CSMD1: variants seen among roughly 807,000 people sequenced by gnomAD.
CSMD1 encodes the protein CUB and sushi domain-containing protein 1.
A neutral mutation model predicts 417.5 loss-of-function variants in CSMD1; 213 were observed. The observed-to-expected ratio is 0.51, with a 90% CI of 0.46 to 0.57. CSMD1 has a LOEUF of 0.57. Ranked by LOEUF, CSMD1 falls within the 20% of genes least tolerant of loss-of-function variation. The probability of loss-of-function intolerance (pLI) is 0.00; values close to 1 mark genes in which losing one functional copy is unlikely to be tolerated. For missense variants in CSMD1, 6,923 were observed against 4,529.7 expected (o/e 1.53, Z -15.17); for synonymous variants, 2,862 against 1,736.8 (o/e 1.65, Z -16.11).
intron 4 of CSMD1, among the ~76,000 whole-genome samples, chr8:4,014,034 T>C (rs567180819): frequency 2.0e-4 from 30 of 152,238 alleles, no homozygotes; most frequent in African/African-American, 7.0e-4. Context: ...TACGGAGAAA[T>C]ATTGATGTGT....
chr8:4,672,199 A>G (rs1805373875), intron 1 of CSMD1, among the ~76,000 whole-genome samples: 1 of 152,254 alleles, frequency 6.6e-6, no homozygotes. Flanking sequence ...CCTCAGGAAG[A>G]GAGGACAATG....
At chr8:3,382,683 T>C (rs1810713823) in intron 18 of CSMD1, among the ~76,000 whole-genome samples, 1 of 150,408 alleles carries the variant, frequency 6.6e-6, no homozygotes, top group South Asian at 2.1e-4. Flanking sequence ...GCTCATTTTC[T>C]CATAGATCTG....
intron 22 of CSMD1, among the ~76,000 whole-genome samples, chr8:3,347,594 T>C (rs1043018229): frequency 1.3e-5 from 2 of 152,236 alleles, no homozygotes; most frequent in Non-Finnish European, 2.9e-5. Flanking sequence ...ATCCTGCAAC[T>C]TTTAATAATT....
chr8:3,477,957 G>A (rs181891700), intron 11 of CSMD1, among the ~76,000 whole-genome samples: 52 of 152,288 alleles, frequency 3.4e-4, no homozygotes, highest in African/African-American at 1.2e-3. Context: ...TAAGTCAAGG[G>A]AGTGCTTTCA....
intron 2 of CSMD1, among the ~76,000 whole-genome samples, chr8:4,443,695 C>G (rs143781174): frequency 5.9e-4 from 90 of 152,254 alleles, no homozygotes; most frequent in African/African-American, 2.0e-3. Flanking sequence ...CTGCAATTCC[C>G]AACAAAATTC....
chr8:4,235,950 C>T (rs1225293118), intron 3 of CSMD1, among the ~76,000 whole-genome samples: 1 of 151,410 alleles, frequency 6.6e-6, no homozygotes, highest in East Asian at 1.9e-4. Flanking sequence ...GTGAAATTAA[C>T]CTAGTTGCCA....
rs556702312 is a variant in CSMD1, at chr8:4,237,583, G to A, written c.415+182370C>T. ...GGAGTCTTGCTCTGTCAACCAAGCT[G>A]GAGCACAATAGTGTCATCACAACTT... On this transcript the variant is annotated intron_variant, in intron 3 of 69. Coordinates refer to ENST00000635120, the MANE Select transcript of CSMD1 (RefSeq NM_033225.6). Among the ~76,000 whole-genome samples, 29 of 151,354 alleles carry A rather than the reference G, an allele frequency of 1.9e-4. No homozygotes were observed. The South Asian group carries it at 2.1e-3, about 11-fold the overall frequency.
chr8:3,407,495 T>C (rs1031398534), intron 14 of CSMD1, among the ~76,000 whole-genome samples: 1 of 150,182 alleles, frequency 6.7e-6, no homozygotes, highest in Non-Finnish European at 1.5e-5. Context: ...ATGGATGAAA[T>C]GATGGATGGA....
rs984860813 is a variant in CSMD1 at position 4,253,226 on chromosome 8, T to C, written c.415+166727A>G. On this transcript the variant is annotated intron_variant, in intron 3 of 69. Transcript: ENST00000635120. ...CCGCCCCATTCCTAGTTATCATTCA[T>C]GGCCCAGATAAAATGACATCTCCAA... 2.6e-5 allele frequency among the ~76,000 whole-genome samples: 4 copies of C among 152,210 alleles called. No individual in the cohort carries two copies. The East Asian group carries it at 7.7e-4, about 29-fold the overall frequency.
At chr8:3,819,125 T>C (rs1208139862) in intron 5 of CSMD1, among the ~76,000 whole-genome samples, 1 of 152,078 alleles carries the variant, frequency 6.6e-6, no homozygotes, top group African/African-American at 2.4e-5. Context: ...GGGGGAAAGA[T>C]TTGCTGGTCT....
intron 1 of CSMD1, among the ~76,000 whole-genome samples, chr8:4,742,188 G>A (rs1284309481): frequency 3.3e-5 from 5 of 150,482 alleles, no homozygotes; most frequent in Non-Finnish European, 4.4e-5. Context: ...CCGCCACCAC[G>A]CCCGGCTAAT....
At chr8:4,940,871 T>C (rs188785620) in intron 1 of CSMD1, among the ~76,000 whole-genome samples, 8 of 152,326 alleles carry the variant, frequency 5.3e-5, no homozygotes, top group African/African-American at 1.7e-4. Flanking sequence ...AAAATTGTTT[T>C]TTCTTCAGGT....
chr8:2,999,942 CAA>C lies in CSMD1; in HGVS notation c.8203+14_8203+15del. Reference sequence around the variant, plus strand: ...AAGGAAGCATCGATGAATTCGTCCACAAAGAGTGCACTTACGGACACAGACAG... The same window carrying C: ...AAGGAAGCATCGATGAATTCGTCCACAGAGTGCACTTACGGACACAGACAG... On this transcript the variant is annotated intron_variant, in intron 53 of 69. Coordinates refer to ENST00000635120, the MANE Select transcript of CSMD1 (RefSeq NM_033225.6). 1.2e-6 allele frequency: 2 copies of C among 1,601,918 alleles called. No homozygotes were observed. The highest frequency in any genetic ancestry group is 1.1e-5 in the South Asian group (1 of 89,194).
At chr8:4,204,180 G>C (rs761762482) in intron 3 of CSMD1, among the ~76,000 whole-genome samples, 2 of 152,020 alleles carry the variant, frequency 1.3e-5, no homozygotes, top group East Asian at 3.9e-4. Context: ...CCCATGTGGT[G>C]CTGTGTGCCT....
intron 3 of CSMD1, among the ~76,000 whole-genome samples, chr8:4,165,417 T>C (rs1797399166): frequency 6.6e-6 from 1 of 152,224 alleles, no homozygotes; most frequent in African/African-American, 2.4e-5. Context: ...AAGCATCATG[T>C]TTTGTTTGAG....
intron 3 of CSMD1, among the ~76,000 whole-genome samples, chr8:4,259,367 A>C (rs1249718010): frequency 6.6e-6 from 1 of 152,072 alleles, no homozygotes; most frequent in Non-Finnish European, 1.5e-5. Flanking sequence ...AGCGGATCTC[A>C]AGAAAGGAGA....
intron 5 of CSMD1, among the ~76,000 whole-genome samples, chr8:3,780,791 T>G (rs894806193): frequency 6.6e-6 from 1 of 152,206 alleles, no homozygotes; most frequent in Non-Finnish European, 1.5e-5. Context: ...TAAAAGAAAG[T>G]AATTCAATCA....
chr8:3,264,138 C>G (rs1251775066), intron 26 of CSMD1, among the ~76,000 whole-genome samples: 2 of 152,140 alleles, frequency 1.3e-5, no homozygotes, highest in Non-Finnish European at 2.9e-5. Context: ...TGATTCCCAG[C>G]TTTCTAGCAG....
intron 10 of CSMD1, among the ~76,000 whole-genome samples, chr8:3,524,438 T>C (rs1272487232): frequency 3.5e-5 from 5 of 143,984 alleles, no homozygotes; most frequent in Non-Finnish European, 6.0e-5. Flanking sequence ...CATCTGCATC[T>C]GCACGCACAC....
Sources: allele counts gnomAD v4.1 joint callset (sites outside exome capture counted in the v4.1 genomes callset), GRCh38; gene constraint gnomAD v4.1.1; transcripts MANE v1.5; gene names NCBI Gene and HGNC (gene_info 2026-07-23, HGNC 2026-07-21).